Variants in RALGAPA2 observed in about 807,000 individuals in gnomAD.
RALGAPA2 encodes ral GTPase-activating protein subunit alpha-2.
RALGAPA2 carries 139 observed loss-of-function variants against 230.4 expected under a neutral mutation model. The ratio of observed to expected loss-of-function variants is 0.60; its 90% CI spans 0.53 to 0.69. The LOEUF (loss-of-function observed/expected upper bound fraction) is 0.69. Among genes scored for constraint, RALGAPA2 ranks in the 30% least tolerant of loss-of-function variants. The probability of loss-of-function intolerance (pLI) is 0.00; values close to 1 mark genes in which losing one functional copy is unlikely to be tolerated. For missense variants in RALGAPA2, 2,163 were observed against 2,276.0 expected, an observed-to-expected ratio of 0.95 and a Z score of 1.01; for synonymous variants, 847 against 837.8, an observed-to-expected ratio of 1.01 and a Z score of -0.19.
chr20:20,521,122 G>GCAC, intron 30 of RALGAPA2, 22 bp from the exon 31 acceptor site: 1 of 1,567,748 alleles, frequency 6.4e-7, no homozygotes, highest in Non-Finnish European at 8.7e-7. Flanking sequence ...GAGGCCATGT[G>GCAC]CACCACGGAT....
chr20:20,693,634 AATTATG>A (rs1327922214), intron 1 of RALGAPA2, among the ~76,000 whole-genome samples: 1 of 152,174 alleles, frequency 6.6e-6, no homozygotes, highest in East Asian at 1.9e-4. Context: ...CATGTCAAAT[AATTATG>A]ATTAACAGTA....
intron 23 of RALGAPA2, among the ~76,000 whole-genome samples, chr20:20,559,413 T>C (rs1476295079): frequency 2.0e-5 from 3 of 152,102 alleles, no homozygotes; most frequent in Admixed American, 1.3e-4. Flanking sequence ...TCTATCAACC[T>C]GCTTATGGAG....
chr20:20,603,633 T>C (rs1289295727), intron 15 of RALGAPA2, among the ~76,000 whole-genome samples: 1 of 152,160 alleles, frequency 6.6e-6, no homozygotes, highest in Non-Finnish European at 1.5e-5. Flanking sequence ...TCACACCTCA[T>C]TGCCCCTGCT....
chr20:20,521,161 T>C (rs2063028518), intron 30 of RALGAPA2, 61 bp from the exon 31 acceptor site: 1 of 1,430,414 alleles, frequency 7.0e-7, no homozygotes, highest in African/African-American at 1.4e-5. Flanking sequence ...CCTGACAATC[T>C]GTCAAACTAC....
chr20:20,495,786 C>T (rs924435656), intron 35 of RALGAPA2, among the ~76,000 whole-genome samples: 2 of 152,246 alleles, frequency 1.3e-5, no homozygotes, highest in East Asian at 1.9e-4. Context: ...AAGAAAAGGA[C>T]GTATAAAATT....
intron 31 of RALGAPA2, 82 bp downstream of exon 31, chr20:20,520,833 TAA>T: frequency 8.6e-7 from 1 of 1,163,036 alleles, no homozygotes; most frequent in South Asian, 2.0e-5. Flanking sequence ...ACAACTAGAT[TAA>T]AAAAAAATAG....
At chr20:20,703,836 T>A (rs1175058493) in intron 1 of RALGAPA2, among the ~76,000 whole-genome samples, 1 of 152,174 alleles carries the variant, frequency 6.6e-6, no homozygotes, top group Non-Finnish European at 1.5e-5. Flanking sequence ...TTAGGTCCAC[T>A]CTAGGGCACA....
At chr20:20,547,701 T>A (rs776807405) in intron 23 of RALGAPA2, among the ~76,000 whole-genome samples, 2 of 152,346 alleles carry the variant, frequency 1.3e-5, no homozygotes, top group East Asian at 3.9e-4. Context: ...CACAAACTTA[T>A]GCAGCTGTTG....
intron 5 of RALGAPA2, among the ~76,000 whole-genome samples, 188 bp downstream of exon 5, chr20:20,643,318 A>C (rs1452972119): frequency 1.6e-4 from 24 of 152,226 alleles, no homozygotes; most frequent in Admixed American, 1.6e-3. Flanking sequence ...AATACTATTT[A>C]AAATGTCTCT....
chr20:20,542,297 A>G (rs1337727117), intron 24 of RALGAPA2, among the ~76,000 whole-genome samples: 2 of 152,206 alleles, frequency 1.3e-5, no homozygotes, highest in Non-Finnish European at 2.9e-5. Context: ...ATGCTCATGG[A>G]TAGGAAGAAT....
At chr20:20,515,721 G>A (rs1470026961) in intron 31 of RALGAPA2, among the ~76,000 whole-genome samples, 3 of 152,224 alleles carry the variant, frequency 2.0e-5, no homozygotes, top group African/African-American at 7.2e-5. Flanking sequence ...TATCTCACAG[G>A]GGACCTTGGG....
chr20:20,593,067 A>G (rs752622888), intron 16 of RALGAPA2, among the ~76,000 whole-genome samples: 3 of 152,060 alleles, frequency 2.0e-5, no homozygotes, highest in African/African-American at 4.8e-5. Context: ...TCTGGTGCAC[A>G]CCACTATACC....
intron 23 of RALGAPA2, among the ~76,000 whole-genome samples, chr20:20,551,431 C>T (rs563504096): frequency 6.6e-6 from 1 of 152,286 alleles, no homozygotes; most frequent in Non-Finnish European, 1.5e-5. Context: ...TTTTCTCTTG[C>T]TCTGGTTAAA....
intron 16 of RALGAPA2, among the ~76,000 whole-genome samples, chr20:20,598,069 T>C (rs988452069): frequency 3.9e-5 from 6 of 152,194 alleles, no homozygotes; most frequent in Non-Finnish European, 7.4e-5. Context: ...GATATCTTAA[T>C]AAAAAATGTA....
At chr20:20,597,938 G>T (rs1381636277) in intron 16 of RALGAPA2, among the ~76,000 whole-genome samples, 5 of 152,178 alleles carry the variant, frequency 3.3e-5, no homozygotes, top group Admixed American at 3.3e-4. Context: ...TTTTAAGGAA[G>T]AAGATTCAGT....
intron 20 of RALGAPA2, among the ~76,000 whole-genome samples, chr20:20,574,349 G>A (rs2064751349): frequency 6.6e-6 from 1 of 152,156 alleles, no homozygotes; most frequent in Admixed American, 6.6e-5. Context: ...GGCATAGAAT[G>A]TCTTTGTAAT....
chr20:20,590,702 T>C (rs1285294535), intron 17 of RALGAPA2, among the ~76,000 whole-genome samples: 1 of 152,206 alleles, frequency 6.6e-6, no homozygotes, highest in African/African-American at 2.4e-5. Context: ...TTATTTTCCA[T>C]CTCAGCAGAG....
chr20:20,605,673 C>G (rs1179405492), intron 14 of RALGAPA2, among the ~76,000 whole-genome samples: 1 of 152,252 alleles, frequency 6.6e-6, no homozygotes, highest in South Asian at 2.1e-4. Context: ...TGGCTATAAT[C>G]AGAGAAAAGA....
intron 24 of RALGAPA2, among the ~76,000 whole-genome samples, chr20:20,546,199 C>T (rs1466148808): frequency 1.3e-5 from 2 of 152,084 alleles, no homozygotes; most frequent in African/African-American, 2.4e-5. Flanking sequence ...TTTTTTATTA[C>T]AAAAATTCTG....
Sources: allele counts gnomAD v4.1 joint callset (sites outside exome capture counted in the v4.1 genomes callset), GRCh38; gene constraint gnomAD v4.1.1; transcripts MANE v1.5; gene names NCBI Gene and HGNC (gene_info 2026-07-23, HGNC 2026-07-21).